The following TTC39C variants were observed in gnomAD, a reference collection of about 807,000 sequenced individuals.
TTC39C encodes the protein tetratricopeptide repeat domain 39C.
A neutral mutation model predicts 76.3 loss-of-function variants in TTC39C; 33 were observed. The ratio of observed to expected loss-of-function variants is 0.43; its 90% confidence interval spans 0.33 to 0.58. The LOEUF (loss-of-function observed/expected upper bound fraction) is 0.58. TTC39C is among the 20% of genes least tolerant of loss of function. TTC39C has a pLI of 0.04. For synonymous variants in TTC39C, 254 were observed against 260.6 expected (o/e 0.97, Z 0.24); for missense variants, 595 against 701.4 (o/e 0.85, Z 1.71).
chr18:24,044,632 GACCGTCAGCCTCCAA>G (rs1261231487), intron 1 of TTC39C, among the ~76,000 whole-genome samples: 2 of 152,160 alleles, frequency 1.3e-5, no homozygotes, highest in African/African-American at 4.8e-5. Flanking sequence ...GAAAGGTCAG[GACCGTCAGCCTCCAA>G]AGGCCACTGA....
intron 1 of TTC39C, among the ~76,000 whole-genome samples, chr18:24,063,608 A>G (rs959713101): frequency 1.4e-5 from 2 of 146,202 alleles, no homozygotes; most frequent in African/African-American, 2.6e-5. Context: ...CACCTCTTGG[A>G]TTCACGCAAT....
At chr18:24,031,890 G>T (rs1253739573) in intron 1 of TTC39C, among the ~76,000 whole-genome samples, 1 of 152,056 alleles carries the variant, frequency 6.6e-6, no homozygotes, top group Non-Finnish European at 1.5e-5. Context: ...TTAAGTTAAG[G>T]ATCTTGAGAT....
chr18:24,063,379 T>C (rs2084122777), intron 1 of TTC39C, among the ~76,000 whole-genome samples: 2 of 152,188 alleles, frequency 1.3e-5, no homozygotes. Context: ...CTATACTGAT[T>C]TTCTGTGTTG....
chr18:24,055,887 C>T (rs2084009558), intron 1 of TTC39C, among the ~76,000 whole-genome samples: 1 of 152,172 alleles, frequency 6.6e-6, no homozygotes, highest in South Asian at 2.1e-4. Context: ...TTGCAACAAA[C>T]AGCTTCATGC....
chr18:24,119,523 A>G (rs1467751570), intron 8 of TTC39C, among the ~76,000 whole-genome samples: 1 of 152,208 alleles, frequency 6.6e-6, no homozygotes, highest in Non-Finnish European at 1.5e-5. Context: ...TGGATCTCTT[A>G]AATTCCCTAT....
At chr18:24,054,067 A>C (rs1283514163) in intron 1 of TTC39C, among the ~76,000 whole-genome samples, 3 of 152,194 alleles carry the variant, frequency 2.0e-5, no homozygotes, top group African/African-American at 7.2e-5. Context: ...ATAAAAAGTG[A>C]TCCTCAAATC....
At chr18:24,086,513 A>G (rs925896367) in intron 6 of TTC39C, among the ~76,000 whole-genome samples, 4 of 152,204 alleles carry the variant, frequency 2.6e-5, no homozygotes, top group Non-Finnish European at 5.9e-5. Flanking sequence ...CCACTTGCAT[A>G]AACCTCATTG....
intron 1 of TTC39C, among the ~76,000 whole-genome samples, chr18:24,062,159 A>G (rs185102661): frequency 3.9e-5 from 6 of 152,348 alleles, no homozygotes; most frequent in Admixed American, 2.6e-4. Flanking sequence ...GTTAGGTACC[A>G]TGAATAATTA....
chr18:24,085,686 A>C (rs1395742892), intron 6 of TTC39C, among the ~76,000 whole-genome samples: 1 of 152,230 alleles, frequency 6.6e-6, no homozygotes, highest in African/African-American at 2.4e-5. Flanking sequence ...AATTGTGATC[A>C]GAGTGCAGAG....
At chr18:24,030,269 G>A (rs918663205) in intron 1 of TTC39C, among the ~76,000 whole-genome samples, 82 of 152,214 alleles carry the variant, frequency 5.4e-4, no homozygotes, top group African/African-American at 1.8e-3. Context: ...TTTGTATGAC[G>A]TAAGATAGAG....
At chr18:24,113,595 A>C in intron 6 of TTC39C, 1 of 702,374 alleles carries the variant, frequency 1.4e-6, no homozygotes, top group Non-Finnish European at 2.6e-6. Context: ...CAGCAGAGCA[A>C]GAAAGAAATG....
chr18:24,122,716 G>A (rs1414265067), intron 8 of TTC39C, among the ~76,000 whole-genome samples: 1 of 152,072 alleles, frequency 6.6e-6, no homozygotes, highest in East Asian at 1.9e-4. Flanking sequence ...AGAAGACACA[G>A]CAAAGGGAGG....
At position 24,015,709 on chromosome 18, in the gene TTC39C, TAAAG is replaced by T. The variant is rs556179019; in HGVS notation, c.167+672_167+675del. ...TTATTAAGAATTTTTCCAACGTAAA[TAAAG>T]GAAGGAAGAAAATGGAGGGATTTTT... On this transcript the variant is annotated intron_variant, in intron 1 of 13. Transcript: ENST00000317571. 1.7e-3 allele frequency among the ~76,000 whole-genome samples: 258 copies of T among 152,238 alleles called. 1 individual carries two copies. Among genetic ancestry groups the T allele is most frequent in the African/African-American group, 5.5e-3 (229 of 41,532 alleles).
chr18:24,022,167 G>A (rs1288694895), intron 1 of TTC39C, among the ~76,000 whole-genome samples: 1 of 152,182 alleles, frequency 6.6e-6, no homozygotes, highest in East Asian at 1.9e-4. Context: ...TTCTATCAGG[G>A]ATTTGAGCAT....
In TTC39C at chr18:24,119,854, T is replaced by C. The variant is rs76253118; in HGVS notation, c.1186+1622T>C. On this transcript the variant is annotated intron_variant, in intron 8 of 13. Coordinates refer to ENST00000317571, the MANE Select transcript of TTC39C (RefSeq NM_001135993.2). ...GGCCTGCACACAACTCCGCAGCCAT[T>C]AGGTGTAATTGGGCCGCACAGTCGA... Among the ~76,000 whole-genome samples the C allele has an allele frequency of 3.3e-3, 500 of 152,272 alleles. 2 individuals carry two copies. Among genetic ancestry groups the C allele is most frequent in the Non-Finnish European group, 5.2e-3 (357 of 68,020 alleles).
chr18:24,039,372 G>C (rs1042565808), intron 1 of TTC39C, among the ~76,000 whole-genome samples: 9 of 152,254 alleles, frequency 5.9e-5, no homozygotes, highest in Admixed American at 6.5e-5. Context: ...GCCGCACAAA[G>C]AGAAGTGTAT....
At position 24,070,113 on chromosome 18, in the gene TTC39C, T is replaced by C. The variant is rs533483853; in HGVS notation, c.460+842T>C. Among the ~76,000 whole-genome samples the C allele has an allele frequency of 7.2e-5, 11 of 152,346 alleles. No individual in the cohort carries two copies. The East Asian group carries it at 1.9e-3, about 27-fold the overall frequency. On this transcript the variant is annotated intron_variant, in intron 4 of 13. Coordinates refer to ENST00000317571, the MANE Select transcript of TTC39C (RefSeq NM_001135993.2). ...TCAGAAGCCGGTTTTTCCCCCTTTTTCTTGTTTCTCTTGCTCTTTCTTTGT... is the reference window on the plus strand; with the variant it reads ...TCAGAAGCCGGTTTTTCCCCCTTTTCCTTGTTTCTCTTGCTCTTTCTTTGT...
chr18:23,996,852 G>A (rs1408875048), intron 1 of TTC39C, among the ~76,000 whole-genome samples: 4 of 152,210 alleles, frequency 2.6e-5, no homozygotes, highest in African/African-American at 9.6e-5. Flanking sequence ...GCTCACGCCT[G>A]TAATCCCAGC....
At chr18:24,026,398 C>G (rs535189345) in intron 1 of TTC39C, among the ~76,000 whole-genome samples, 1 of 152,274 alleles carries the variant, frequency 6.6e-6, no homozygotes, top group South Asian at 2.1e-4. Flanking sequence ...GTTCCATGGT[C>G]TTTAGAAGCA....
Sources: gnomAD v4.1 joint callset for allele counts (sites outside exome capture counted in the v4.1 genomes callset) on GRCh38, gnomAD v4.1.1 for gene constraint, MANE v1.5 for transcripts, NCBI Gene and HGNC (gene_info 2026-07-23, HGNC 2026-07-21) for gene names.